ZNF385D: variants seen among roughly 807,000 people sequenced by gnomAD.
ZNF385D encodes zinc finger protein 385D.
ZNF385D carries 15 observed loss-of-function variants against 35.8 expected under a neutral mutation model. The ratio of observed to expected loss-of-function variants is 0.42; its 90% confidence interval spans 0.28 to 0.64. The LOEUF (loss-of-function observed/expected upper bound fraction) is 0.64. ZNF385D is among the 30% of genes least tolerant of loss of function. ZNF385D has a pLI of 0.23. For missense variants in ZNF385D, 474 were observed against 494.6 expected (o/e 0.96, Z 0.39); for synonymous variants, 212 against 186.8 (o/e 1.13, Z -1.10).
intron 3 of ZNF385D, among the ~76,000 whole-genome samples, chr3:21,527,488 T>C (rs1328150736): frequency 2.6e-5 from 4 of 152,208 alleles, no homozygotes; most frequent in Non-Finnish European, 4.4e-5. Flanking sequence ...AGAAAGGTTA[T>C]AGAAAAGGTT....
intron 3 of ZNF385D, among the ~76,000 whole-genome samples, chr3:21,956,349 CCTA>C (rs1426792898): frequency 1.3e-5 from 2 of 151,816 alleles, no homozygotes; most frequent in Non-Finnish European, 1.5e-5. Flanking sequence ...TGATATTCCT[CCTA>C]ATTTTCACAC....
chr3:22,314,320 T>A (rs1232984236), intron 2 of ZNF385D, among the ~76,000 whole-genome samples: 1 of 152,142 alleles, frequency 6.6e-6, no homozygotes, highest in African/African-American at 2.4e-5. Flanking sequence ...ATCATTCTTA[T>A]GCCTTTGCAC....
chr3:22,075,260 A>C (rs747863644), intron 3 of ZNF385D, among the ~76,000 whole-genome samples: 2 of 151,686 alleles, frequency 1.3e-5, no homozygotes, highest in African/African-American at 4.8e-5. Context: ...TTAGATGCAC[A>C]CTCTAATCAC....
At chr3:22,096,689 G>T (rs1249491449) in intron 3 of ZNF385D, among the ~76,000 whole-genome samples, 1 of 152,016 alleles carries the variant, frequency 6.6e-6, no homozygotes, top group Non-Finnish European at 1.5e-5. Flanking sequence ...TTGTGATGCA[G>T]TCAAAATAAA....
chr3:21,854,129 C>A (rs1696571612), intron 3 of ZNF385D, among the ~76,000 whole-genome samples: 1 of 151,840 alleles, frequency 6.6e-6, no homozygotes. Flanking sequence ...GATATTTACC[C>A]ATATTACTTA....
At chr3:21,968,735 G>A (rs930863944) in intron 3 of ZNF385D, among the ~76,000 whole-genome samples, 8 of 152,184 alleles carry the variant, frequency 5.3e-5, no homozygotes, top group South Asian at 2.1e-4. Flanking sequence ...AGTACTTGCC[G>A]TGGACCTTGG....
intron 3 of ZNF385D, among the ~76,000 whole-genome samples, chr3:21,513,439 G>A (rs766745062): frequency 9.9e-5 from 15 of 152,044 alleles, no homozygotes; most frequent in Non-Finnish European, 1.8e-4. Flanking sequence ...ATATTCACTC[G>A]TTTATTGAAT....
chr3:21,526,219 G>C (rs1708212675), intron 3 of ZNF385D, among the ~76,000 whole-genome samples: 1 of 152,072 alleles, frequency 6.6e-6, no homozygotes, highest in East Asian at 1.9e-4. Flanking sequence ...TTTAGTTTTT[G>C]ATAAGGAATT....
intron 3 of ZNF385D, among the ~76,000 whole-genome samples, chr3:21,810,390 G>T (rs537396995): frequency 5.3e-5 from 8 of 151,970 alleles, no homozygotes; most frequent in African/African-American, 1.7e-4. Flanking sequence ...GGGGGCTGGG[G>T]GAGGGATAGC....
intron 2 of ZNF385D, among the ~76,000 whole-genome samples, chr3:22,199,336 G>A (rs1306515879): frequency 1.3e-5 from 2 of 152,066 alleles, no homozygotes; most frequent in Non-Finnish European, 2.9e-5. Context: ...TGATTTGAAT[G>A]TTTTATTCAA....
Position 21,787,944 on chromosome 3 carries a change from CAAAAAAAAAAAAAAAAAAAAA to C in ZNF385D, c.326-122937_326-122917del, listed in dbSNP as rs560982379. Reference sequence around the variant, plus strand: ...GCGACAGAGCGAGACTTCGTCTCAACAAAAAAAAAAAAAAAAAAAAAAAAAAAAAAAAAAAAAAGAGAGAGA... The same window carrying C: ...GCGACAGAGCGAGACTTCGTCTCAACAAAAAAAAAAAAAAAAAGAGAGAGA... On this transcript the variant is annotated intron_variant, in intron 3 of 5. Coordinates refer to the ZNF385D transcript ENST00000494108. Among the ~76,000 whole-genome samples the C allele has an allele frequency of 8.5e-3, 644 of 75,406 alleles. 12 individuals carry two copies. Among genetic ancestry groups the C allele is most frequent in the South Asian group, 0.015 (25 of 1,710 alleles). The allele number at this position is 75,406 out of a possible 152,430, so 49.5% of individuals were successfully genotyped here. A position where few individuals can be genotyped will look rare whatever the true frequency, so the allele number is the denominator to read the frequency against.
intron 3 of ZNF385D, among the ~76,000 whole-genome samples, chr3:22,138,960 C>T (rs1254099321): frequency 6.6e-6 from 1 of 152,086 alleles, no homozygotes; most frequent in East Asian, 1.9e-4. Flanking sequence ...TGAACTCCAA[C>T]AAATTTACAA....
intron 3 of ZNF385D, among the ~76,000 whole-genome samples, chr3:21,545,427 C>G (rs1035743853): frequency 2.0e-5 from 3 of 152,180 alleles, no homozygotes; most frequent in Non-Finnish European, 1.5e-5. Flanking sequence ...TATTGCTGAT[C>G]TATGTTCTGT....
rs186025065 is a variant in ZNF385D, at chr3:21,812,750, G to A, written c.326-147722C>T. ...AGCTCAAGGAGGCCTGCCTGCCTCT[G>A]TAGACTCCACCTCTGGGGGCAGGGA... On this transcript the variant is annotated intron_variant, in intron 3 of 5. Transcript: ENST00000494108. 2.0e-3 allele frequency among the ~76,000 whole-genome samples: 305 copies of A among 152,332 alleles called. 4 individuals carry two copies. Among genetic ancestry groups the A allele is most frequent in the African/African-American group, 7.1e-3 (297 of 41,580 alleles).
rs1337264916 is a variant in ZNF385D at position 21,465,303 on chromosome 3, AAC to A, written c.440-28102_440-28101del. 6.6e-6 allele frequency among the ~76,000 whole-genome samples: 1 copy of A among 152,164 alleles called. No homozygotes were observed. The highest frequency in any genetic ancestry group is 2.1e-4 in the South Asian group (1 of 4,830). On this transcript the variant is annotated intron_variant, in intron 4 of 7. Coordinates refer to ENST00000281523, the MANE Select transcript of ZNF385D (RefSeq NM_024697.3). The surrounding 1 kb of genome is among the most constrained non-coding windows in gnomAD (Gnocchi z 4.2). Reference sequence around the variant, plus strand: ...TTATCCAGTTAGGTGTCTAATGCAAAACACACTAATTTTTAAAGGTTGTTCTC... The same window carrying A: ...TTATCCAGTTAGGTGTCTAATGCAAAACACTAATTTTTAAAGGTTGTTCTC...
intron 3 of ZNF385D, among the ~76,000 whole-genome samples, chr3:22,097,007 T>C (rs1054518966): frequency 1.3e-5 from 2 of 152,074 alleles, no homozygotes; most frequent in Admixed American, 1.3e-4. Flanking sequence ...GTTACCATGC[T>C]GTAAGCAAGC....
chr3:21,737,466 T>C (rs201827858), intron 1 of ZNF385D, among the ~76,000 whole-genome samples: 10 of 149,182 alleles, frequency 6.7e-5, no homozygotes, highest in South Asian at 2.1e-4. Context: ...GGGATATATA[T>C]ACACACACAC....
intron 4 of ZNF385D, among the ~76,000 whole-genome samples, chr3:21,458,772 T>C (rs1373049016): frequency 1.7e-5 from 2 of 115,770 alleles, no homozygotes; most frequent in African/African-American, 7.0e-5. Context: ...CAAAGTAGAT[T>C]AGTGGTAGTG....
intron 4 of ZNF385D, among the ~76,000 whole-genome samples, chr3:21,462,875 A>G (rs1703265857): frequency 6.6e-6 from 1 of 152,078 alleles, no homozygotes; most frequent in Non-Finnish European, 1.5e-5. Flanking sequence ...CCAGCTACTC[A>G]GGAAGTTGAG....
Sources: gnomAD v4.1 joint callset for allele counts (sites outside exome capture counted in the v4.1 genomes callset) on GRCh38, gnomAD v4.1.1 for gene constraint, Gnocchi (gnomAD v3.1) non-coding constraint, MANE v1.5 for transcripts, NCBI Gene and HGNC (gene_info 2026-07-23, HGNC 2026-07-21) for gene names.